The following NR6A1 variants were observed in gnomAD, a reference collection of about 807,000 sequenced individuals.
NR6A1 encodes the protein nuclear receptor subfamily 6 group A member 1, also known as retinoic acid receptor-related testis-associated receptor.
In NR6A1, 7 loss-of-function variants were observed where a neutral mutation model predicts 59.1. The observed-to-expected ratio is 0.12, with a 90% CI of 0.07 to 0.22. The LOEUF is 0.22. Among genes scored for constraint, NR6A1 ranks in the 10% least tolerant of loss-of-function variants. The pLI, the probability that NR6A1 is intolerant of heterozygous loss-of-function variation, is 1.00. For synonymous variants in NR6A1, 243 were observed against 236.1 expected (o/e 1.03, Z -0.27); for missense variants, 468 against 611.6 (o/e 0.77, Z 2.48).
intron 2 of NR6A1, among the ~76,000 whole-genome samples, chr9:124,731,204 T>C (rs1390831835): frequency 2.0e-5 from 3 of 152,062 alleles, no homozygotes; most frequent in Non-Finnish European, 2.9e-5. Flanking sequence ...ACCCCGTCTC[T>C]ACTAAAAATA....
intron 2 of NR6A1, among the ~76,000 whole-genome samples, chr9:124,711,483 T>A (rs576989973): frequency 2.6e-5 from 4 of 151,692 alleles, no homozygotes; most frequent in African/African-American, 9.7e-5. Context: ...CACTCCTTTA[T>A]CCATGCCCAA....
At chr9:124,680,352 T>C (rs1332296817) in intron 2 of NR6A1, among the ~76,000 whole-genome samples, 3 of 152,098 alleles carry the variant, frequency 2.0e-5, no homozygotes, top group Admixed American at 2.0e-4. Context: ...AAAACCCACA[T>C]AGTAACAATA....
chr9:124,596,585 C>A (rs1835278930), intron 2 of NR6A1, among the ~76,000 whole-genome samples: 1 of 152,218 alleles, frequency 6.6e-6, no homozygotes, highest in Non-Finnish European at 1.5e-5. Flanking sequence ...CACCCCCAAT[C>A]CTTACCCTCA....
intron 1 of NR6A1, among the ~76,000 whole-genome samples, chr9:124,766,304 T>C (rs1241727819): frequency 6.6e-6 from 1 of 152,224 alleles, no homozygotes; most frequent in Admixed American, 6.5e-5. Context: ...AATGCAGAAG[T>C]GTGAAAAACA....
intron 1 of NR6A1, among the ~76,000 whole-genome samples, chr9:124,760,339 A>G (rs1490586542): frequency 6.6e-6 from 1 of 151,926 alleles, no homozygotes; most frequent in Non-Finnish European, 1.5e-5. Context: ...AAAAATAAAA[A>G]TAAAATAAAA....
chr9:124,590,467 G>A (rs927548448), intron 2 of NR6A1, among the ~76,000 whole-genome samples: 8 of 152,128 alleles, frequency 5.3e-5, no homozygotes, highest in African/African-American at 1.9e-4. Flanking sequence ...TTTTTAAGTG[G>A]TGAATATTCA....
intron 1 of NR6A1, among the ~76,000 whole-genome samples, chr9:124,764,536 G>A (rs1840876949): frequency 1.3e-5 from 2 of 152,104 alleles, no homozygotes; most frequent in South Asian, 4.1e-4. Flanking sequence ...ATAAAAAGCT[G>A]GGAAGATTAT....
intron 2 of NR6A1, among the ~76,000 whole-genome samples, chr9:124,627,910 T>TTC (rs1564207726): frequency 1.1e-5 from 1 of 90,302 alleles, no homozygotes; most frequent in African/African-American, 4.2e-5. Flanking sequence ...TTTTTTTTTT[T>TTC]CAAAACAAAG....
At chr9:124,559,152 C>T (rs1834010114) in intron 2 of NR6A1, among the ~76,000 whole-genome samples, 1 of 152,066 alleles carries the variant, frequency 6.6e-6, no homozygotes, top group Non-Finnish European at 1.5e-5. Flanking sequence ...CATATTATTC[C>T]TATATTACTG....
At chr9:124,544,286 G>GT (rs1008658816) in intron 3 of NR6A1, among the ~76,000 whole-genome samples, 14 of 152,048 alleles carry the variant, frequency 9.2e-5, no homozygotes, top group African/African-American at 3.4e-4. Flanking sequence ...AGGTTTTTTG[G>GT]TTTTTTTCAT....
chr9:124,605,731 T>A (rs1835559878), intron 2 of NR6A1, among the ~76,000 whole-genome samples: 1 of 152,178 alleles, frequency 6.6e-6, no homozygotes, highest in African/African-American at 2.4e-5. Context: ...GAACTATGAG[T>A]AGGACAGGGT....
At position 124,734,164 on chromosome 9, in the gene NR6A1, T is replaced by C. The variant is rs1839957571; in HGVS notation, c.101-815A>G. 3.9e-5 allele frequency among the ~76,000 whole-genome samples: 6 copies of C among 152,254 alleles called. 1 individual carries two copies. The highest frequency in any genetic ancestry group is 3.9e-4 in the Admixed American group (6 of 15,282). On this transcript the variant is annotated intron_variant, in intron 1 of 9. Coordinates refer to ENST00000487099, the MANE Select transcript of NR6A1 (RefSeq NM_033334.4). ...TTTTCTCTTGCCTCTTTCACCCTTG[T>C]CTCACACACAAGGTCAAATTCCTGT...
At chr9:124,747,365 T>A (rs1309783992) in intron 1 of NR6A1, among the ~76,000 whole-genome samples, 1 of 152,028 alleles carries the variant, frequency 6.6e-6, no homozygotes, top group African/African-American at 2.4e-5. Context: ...CAGCCTGACA[T>A]GTTCTTTACT....
At chr9:124,594,405 C>T (rs1338245048) in intron 2 of NR6A1, among the ~76,000 whole-genome samples, 3 of 152,036 alleles carry the variant, frequency 2.0e-5, no homozygotes, top group Non-Finnish European at 4.4e-5. Flanking sequence ...GACTCAAGCT[C>T]GTCGAAAAAA....
chr9:124,538,181 G>A lies in NR6A1; in HGVS notation c.735C>T (p.Ser245=), dbSNP rs138762253. Reference sequence around the variant, plus strand: ...TCAGACTGTATGACTGGGGATCCAGGCTGCGAGCTTGTTGGGGCAGAAGTG... The same window carrying A: ...TCAGACTGTATGACTGGGGATCCAGACTGCGAGCTTGTTGGGGCAGAAGTG... ...HSPLLPQQAR[S]LDPQSYSLIH... The change falls in exon 6 of 10, where the codon AGC becomes AGT. Residue 245 remains serine, a synonymous_variant. Transcript: ENST00000487099. 4.3e-6 allele frequency: 7 copies of A among 1,614,092 alleles called. No homozygotes were observed. The highest frequency in any genetic ancestry group is 5.9e-6 in the Non-Finnish European group (7 of 1,180,050).
chr9:124,745,271 T>C (rs1840292115), intron 1 of NR6A1, among the ~76,000 whole-genome samples: 1 of 151,464 alleles, frequency 6.6e-6, no homozygotes, highest in Non-Finnish European at 1.5e-5. Flanking sequence ...AAAAAAACAC[T>C]TTGGTCCATT....
chr9:124,688,527 T>C (rs1838416588), intron 2 of NR6A1, among the ~76,000 whole-genome samples: 1 of 152,222 alleles, frequency 6.6e-6, no homozygotes, highest in South Asian at 2.1e-4. Context: ...TGGTGAAGTC[T>C]AAATAATTAC....
At chr9:124,733,882 AT>A (rs1434193244) in intron 1 of NR6A1, among the ~76,000 whole-genome samples, 1 of 152,212 alleles carries the variant, frequency 6.6e-6, no homozygotes, top group Non-Finnish European at 1.5e-5. Flanking sequence ...ATTAATAAGT[AT>A]GCTATTCAGG....
intron 2 of NR6A1, among the ~76,000 whole-genome samples, chr9:124,569,078 A>G (rs1026085279): frequency 1.2e-4 from 18 of 151,984 alleles, no homozygotes; most frequent in African/African-American, 4.4e-4. Context: ...ACGCCACCTC[A>G]CTCCAGCCTG....
Sources: allele counts gnomAD v4.1 joint callset (sites outside exome capture counted in the v4.1 genomes callset), GRCh38; gene constraint gnomAD v4.1.1; transcripts MANE v1.5; gene names NCBI Gene and HGNC (gene_info 2026-07-23, HGNC 2026-07-21).